Variants in HS6ST3 observed in about 807,000 individuals in gnomAD.
HS6ST3 encodes heparan-sulfate 6-O-sulfotransferase 3.
A neutral mutation model predicts 36.7 loss-of-function variants in HS6ST3; 12 were observed. That is an observed-to-expected ratio of 0.33 (90% CI 0.21 to 0.53). The LOEUF is 0.53. Ranked by LOEUF, HS6ST3 falls within the 20% of genes least tolerant of loss-of-function variation. The pLI is 0.95. For missense variants in HS6ST3, 584 were observed against 640.9 expected, an observed-to-expected ratio of 0.91 and a Z score of 0.96; for synonymous variants, 240 against 257.5, an observed-to-expected ratio of 0.93 and a Z score of 0.65.
At chr13:96,817,224 C>T (rs1407562799) in intron 1 of HS6ST3, among the ~76,000 whole-genome samples, 2 of 152,156 alleles carry the variant, frequency 1.3e-5, no homozygotes, top group Non-Finnish European at 2.9e-5. Context: ...TAAAATCCAT[C>T]GGAGGTCAAT....
At chr13:96,175,560 T>G (rs756760296) in intron 1 of HS6ST3, among the ~76,000 whole-genome samples, 2 of 152,032 alleles carry the variant, frequency 1.3e-5, no homozygotes, top group Non-Finnish European at 2.9e-5. Context: ...AAATTCTTAT[T>G]AGATAGTTGC....
At chr13:96,440,885 A>T (rs1434233957) in intron 1 of HS6ST3, among the ~76,000 whole-genome samples, 1 of 152,210 alleles carries the variant, frequency 6.6e-6, no homozygotes, top group Non-Finnish European at 1.5e-5. Context: ...TGCTAAGTTG[A>T]TTTAAGAAAT....
At chr13:96,593,836 G>A (rs1421909225) in intron 1 of HS6ST3, among the ~76,000 whole-genome samples, 1 of 151,722 alleles carries the variant, frequency 6.6e-6, no homozygotes, top group East Asian at 1.9e-4. Flanking sequence ...TATAAGCATA[G>A]CTATTCCAGT....
At chr13:96,757,028 C>G (rs935545824) in intron 1 of HS6ST3, among the ~76,000 whole-genome samples, 1 of 152,158 alleles carries the variant, frequency 6.6e-6, no homozygotes, top group African/African-American at 2.4e-5. Flanking sequence ...GAACTGTGCT[C>G]TCATCTAGAG....
At position 96,799,984 on chromosome 13, in the gene HS6ST3, A is replaced by ATATATATATATGTGTG. The variant is rs1184198358; in HGVS notation, c.708-32495_708-32494insGTGTGTATATATATAT. ...TATATGTGTATATATATATATATGT[A>ATATATATATATGTGTG]TATATATATATATGTATATATATAT... On this transcript the variant is annotated intron_variant, in intron 1 of 1. Transcript: ENST00000376705. 8.5e-3 allele frequency among the ~76,000 whole-genome samples: 787 copies of ATATATATATATGTGTG among 92,378 alleles called. 68 individuals carry two copies. The highest frequency in any genetic ancestry group is 0.039 in the African/African-American group (630 of 15,950). The allele number at this position is 92,378 out of a possible 152,430, so 60.6% of individuals were successfully genotyped here.
At chr13:96,743,905 T>C (rs1876501966) in intron 1 of HS6ST3, among the ~76,000 whole-genome samples, 3 of 152,072 alleles carry the variant, frequency 2.0e-5, no homozygotes, top group Non-Finnish European at 4.4e-5. Context: ...CCTTTCTTTT[T>C]CTGAAATAAG....
chr13:96,725,949 G>A (rs1397398355), intron 1 of HS6ST3, among the ~76,000 whole-genome samples: 1 of 151,854 alleles, frequency 6.6e-6, no homozygotes, highest in Non-Finnish European at 1.5e-5. Flanking sequence ...GTGATTCTCC[G>A]GCTTCAGCCT....
At chr13:96,141,069 A>G (rs1275766665) in intron 1 of HS6ST3, among the ~76,000 whole-genome samples, 1 of 152,212 alleles carries the variant, frequency 6.6e-6, no homozygotes, top group Non-Finnish European at 1.5e-5. Context: ...TATTCTGGAC[A>G]AAAGAATGTC....
intron 1 of HS6ST3, among the ~76,000 whole-genome samples, chr13:96,747,982 T>A (rs1876604156): frequency 1.3e-5 from 2 of 152,160 alleles, no homozygotes; most frequent in South Asian, 4.1e-4. Context: ...CTTTGGCTTT[T>A]ATAAGTGAGA....
intron 1 of HS6ST3, among the ~76,000 whole-genome samples, chr13:96,523,187 G>A (rs564383026): frequency 9.9e-5 from 15 of 152,144 alleles, no homozygotes; most frequent in Non-Finnish European, 1.6e-4. Context: ...TTGAATATTG[G>A]CCCCCACTCT....
At chr13:96,564,651 G>A (rs1215290145) in intron 1 of HS6ST3, among the ~76,000 whole-genome samples, 1 of 152,088 alleles carries the variant, frequency 6.6e-6, no homozygotes, top group African/African-American at 2.4e-5. Context: ...TAAACAAAGA[G>A]CTCCTTAATT....
intron 1 of HS6ST3, among the ~76,000 whole-genome samples, chr13:96,551,871 A>G (rs745526244): frequency 6.6e-6 from 1 of 152,218 alleles, no homozygotes; most frequent in African/African-American, 2.4e-5. Flanking sequence ...TTGACCTTGT[A>G]TGTTCAGCTC....
chr13:96,164,655 G>A (rs2054152624), intron 1 of HS6ST3, among the ~76,000 whole-genome samples: 1 of 152,146 alleles, frequency 6.6e-6, no homozygotes, highest in Admixed American at 6.5e-5. Context: ...TATCTGAAGT[G>A]TTAATATGGT....
intron 1 of HS6ST3, among the ~76,000 whole-genome samples, chr13:96,706,440 T>TATAA (rs1491180585): frequency 1.5e-5 from 2 of 137,606 alleles, no homozygotes; most frequent in African/African-American, 5.7e-5. Context: ...TATATATATA[T>TATAA]AATCAGGGAA....
intron 1 of HS6ST3, among the ~76,000 whole-genome samples, chr13:96,280,184 T>A (rs956736870): frequency 1.3e-5 from 2 of 152,202 alleles, no homozygotes; most frequent in African/African-American, 2.4e-5. Context: ...GTCACTGAAA[T>A]TTTCTTTTTT....
chr13:96,548,109 G>A (rs927140819), intron 1 of HS6ST3, among the ~76,000 whole-genome samples: 26 of 152,132 alleles, frequency 1.7e-4, no homozygotes, highest in African/African-American at 4.1e-4. Flanking sequence ...CCCCCACACC[G>A]TGCCTCCCAC....
Position 96,832,951 on chromosome 13 carries a change from A to G in HS6ST3, c.1169A>G (p.Asn390Ser). 6.2e-7 allele frequency: 1 copy of G among 1,614,036 alleles called. No homozygotes were observed. The highest frequency in any genetic ancestry group is 1.3e-5 in the African/African-American group (1 of 74,976). ...NITRASNVEI[N>S]EGARQRIEDL... The stretch of plus-strand genomic sequence containing the variant: ...ACGCGGGCTTCTAACGTGGAGATCA[A>G]CGAGGGTGCCCGCCAACGCATTGAG... The change falls in exon 2 of 2, where the codon AAC becomes AGC. Residue 390 changes from asparagine to serine, a missense_variant. Physicochemically the swap from Asn to Ser is conservative, Grantham distance 46. This residue lies in a region of HS6ST3 where 360 missense variants were observed against 411.3 expected (regional missense o/e 0.88). Coordinates refer to ENST00000376705, the MANE Select transcript of HS6ST3 (RefSeq NM_153456.4).
intron 1 of HS6ST3, among the ~76,000 whole-genome samples, chr13:96,519,975 G>T (rs145648564): frequency 6.6e-6 from 1 of 152,066 alleles, no homozygotes; most frequent in Admixed American, 6.5e-5. Context: ...CTAAACTAAT[G>T]GTTGTCTTTA....
intron 1 of HS6ST3, among the ~76,000 whole-genome samples, chr13:96,795,158 C>CT (rs767836020): frequency 2.0e-5 from 3 of 151,750 alleles, no homozygotes; most frequent in African/African-American, 7.3e-5. Flanking sequence ...ACCTTTCACT[C>CT]TTTTTTTTAA....
Sources: gnomAD v4.1 joint callset for allele counts (sites outside exome capture counted in the v4.1 genomes callset) on GRCh38, gnomAD v4.1.1 for gene constraint, gnomAD v4.1.1 regional missense constraint, MANE v1.5 for transcripts, NCBI Gene and HGNC (gene_info 2026-07-23, HGNC 2026-07-21) for gene names.